The following PHIP variants were observed in gnomAD, a reference collection of about 807,000 sequenced individuals.
PHIP encodes the protein PHIP subunit of CUL4-Ring ligase complex, also known as PH-interacting protein.
Under a neutral mutation model 236.8 loss-of-function variants are expected in PHIP, and 54 were observed. That is an observed-to-expected ratio of 0.23 (90% CI 0.18 to 0.29). PHIP has a LOEUF of 0.29. Among genes scored for constraint, PHIP ranks in the 10% least tolerant of loss-of-function variants. The pLI is 1.00. For missense variants in PHIP, 1,370 were observed against 2,190.8 expected (o/e 0.63, Z 7.48); for synonymous variants, 756 against 718.9 (o/e 1.05, Z -0.83).
intron 23 of PHIP, among the ~76,000 whole-genome samples, chr6:78,982,277 A>C (rs1768590628): frequency 6.6e-6 from 1 of 152,176 alleles, no homozygotes. Flanking sequence ...TCTTCCTATA[A>C]TATTTCTTAC....
chr6:79,061,656 AAT>A (rs1773386606), intron 4 of PHIP, among the ~76,000 whole-genome samples: 1 of 152,192 alleles, frequency 6.6e-6, no homozygotes. Context: ...ATAGGTCTCC[AAT>A]ATGTTAAATG....
At chr6:78,964,808 T>C (rs552776090) in intron 29 of PHIP, among the ~76,000 whole-genome samples, 1 of 152,324 alleles carries the variant, frequency 6.6e-6, no homozygotes, top group African/African-American at 2.4e-5. Context: ...TATTATTTTT[T>C]AAAAATCAAA....
Position 78,961,710 on chromosome 6 carries a change from T to C in PHIP, c.3636A>G (p.Arg1212=), listed in dbSNP as rs1766794656. Residue 1212 remains arginine, a synonymous_variant, in exon 31 of 40, where the codon AGA becomes AGG. Transcript: ENST00000275034. ...YPTDLSTIKQ[R]LENRFYRRVS... is the part of the protein sequence containing the mutation. ...CTAACCTGTAAAACCTGTTTTCCAG[T>C]CTTTGTTTAATTGTACTTAGATCCG... is the stretch of plus-strand genomic sequence containing the variant. 2 of 1,612,536 alleles carry C rather than the reference T, an allele frequency of 1.2e-6. No individual in the cohort carries two copies. Among genetic ancestry groups the C allele is most frequent in the Admixed American group, 3.3e-5 (2 of 59,946 alleles).
Position 78,936,634 on chromosome 6 carries a change from C to T in PHIP, c.*4059G>A, listed in dbSNP as rs1773280252. 1 of 151,842 alleles carries T rather than the reference C, an allele frequency of 6.6e-6. No individual in the cohort carries two copies. Among genetic ancestry groups the T allele is most frequent in the Non-Finnish European group, 1.5e-5 (1 of 67,776 alleles). The allele number at this position is 151,842 out of a possible 1,614,324, so 9.4% of individuals were successfully genotyped here. A position where few individuals can be genotyped will look rare whatever the true frequency, so the allele number is the denominator to read the frequency against. Reference sequence around the variant, plus strand: ...TATCTGCATTAAAAAAGTATTTCAACACAGAGCTATCAAAACTAAAAATAA... The same window carrying T: ...TATCTGCATTAAAAAAGTATTTCAATACAGAGCTATCAAAACTAAAAATAA... On this transcript the variant is annotated 3_prime_UTR_variant, in exon 40 of 40. Transcript: ENST00000275034.
chr6:78,988,693 A>T (rs985227260), intron 20 of PHIP, among the ~76,000 whole-genome samples: 2 of 152,172 alleles, frequency 1.3e-5, no homozygotes, highest in Non-Finnish European at 2.9e-5. Flanking sequence ...TATCATGGTT[A>T]TGCTGATATT....
intron 4 of PHIP, among the ~76,000 whole-genome samples, chr6:79,075,958 TTTCAAATTAGTAAATC>T (rs1376229850): frequency 6.6e-6 from 1 of 152,210 alleles, no homozygotes; most frequent in Non-Finnish European, 1.5e-5. Flanking sequence ...TAAAAATTAA[TTTCAAATTAGTAAATC>T]TTGGAGTTTA....
At chr6:79,072,466 T>G (rs1053101837) in intron 4 of PHIP, among the ~76,000 whole-genome samples, 1 of 145,658 alleles carries the variant, frequency 6.9e-6, no homozygotes, top group Admixed American at 7.0e-5. Context: ...AAAGTAATTA[T>G]AGTATCTTCC....
chr6:79,015,538 A>T, intron 14 of PHIP, 92 bp downstream of exon 14: 1 of 961,962 alleles, frequency 1.0e-6, no homozygotes, highest in Non-Finnish European at 1.6e-6. Context: ...AAGAGTTTTT[A>T]GCTAACATAA....
chr6:78,944,447 G>C lies in PHIP; in HGVS notation c.4828+853C>G, dbSNP rs114938252. Among the ~76,000 whole-genome samples the C allele has an allele frequency of 4.3e-3, 658 of 152,272 alleles. 2 individuals are homozygous for C. The highest frequency in any genetic ancestry group is 0.014 in the African/African-American group (597 of 41,554). On this transcript the variant is annotated intron_variant, in intron 39 of 39. Transcript: ENST00000275034. Reference sequence around the variant, plus strand: ...GCAGGAAGACCAGTTAGGAAACTAGGAAAATAGTCCAAGCAAGAAATTATG... The same window carrying C: ...GCAGGAAGACCAGTTAGGAAACTAGCAAAATAGTCCAAGCAAGAAATTATG...
chr6:79,053,972 CT>C (rs1440296517), intron 6 of PHIP, among the ~76,000 whole-genome samples: 7 of 152,152 alleles, frequency 4.6e-5, no homozygotes, highest in African/African-American at 1.7e-4. Context: ...TTAAACTCAC[CT>C]AAGGGAGTTT....
At chr6:79,002,578 C>T (rs78298960) in intron 16 of PHIP, among the ~76,000 whole-genome samples, 1 of 152,214 alleles carries the variant, frequency 6.6e-6, no homozygotes, top group African/African-American at 2.4e-5. Context: ...ATGCTACCCA[C>T]CCATTACTGT....
Position 79,005,516 on chromosome 6 carries a change from T to C in PHIP, c.1525-1658A>G, listed in dbSNP as rs375513367. 1.1e-4 allele frequency among the ~76,000 whole-genome samples: 16 copies of C among 152,094 alleles called. No homozygotes were observed. The East Asian group carries it at 1.2e-3, about 11-fold the overall frequency. Reference sequence around the variant, plus strand: ...GTACACCTCTAAATAGACTTTTATATCAAAAACTAAAAATTAGGGGATTGA... The same window carrying C: ...GTACACCTCTAAATAGACTTTTATACCAAAAACTAAAAATTAGGGGATTGA... On this transcript the variant is annotated intron_variant, in intron 15 of 39. Transcript: ENST00000275034.
chr6:79,027,227 G>T (rs1771451041), intron 7 of PHIP, among the ~76,000 whole-genome samples: 1 of 152,088 alleles, frequency 6.6e-6, no homozygotes, highest in Non-Finnish European at 1.5e-5. Flanking sequence ...TCCAAACAGA[G>T]TATGTTAAAT....
intron 24 of PHIP, among the ~76,000 whole-genome samples, chr6:78,977,143 T>A (rs1435552668): frequency 2.7e-5 from 4 of 145,808 alleles, no homozygotes; most frequent in Non-Finnish European, 6.0e-5. Flanking sequence ...CCAACAATGA[T>A]AGACTGGATT....
At chr6:78,968,405 G>C (rs76858017) in intron 27 of PHIP, among the ~76,000 whole-genome samples, 5,593 of 152,222 alleles carry the variant, frequency 0.037, 102 homozygotes, top group Middle Eastern at 0.058. Flanking sequence ...GGCAGATTCT[G>C]CATCAGCAAC....
chr6:79,041,579 A>C (rs1429708010), intron 7 of PHIP, among the ~76,000 whole-genome samples: 1 of 152,066 alleles, frequency 6.6e-6, no homozygotes, highest in Non-Finnish European at 1.5e-5. Flanking sequence ...AACATTAGAA[A>C]AATCAAATTT....
intron 7 of PHIP, among the ~76,000 whole-genome samples, chr6:79,030,918 A>G (rs1348422598): frequency 6.6e-6 from 1 of 151,310 alleles, no homozygotes; most frequent in Non-Finnish European, 1.5e-5. Flanking sequence ...CACTTGTTTC[A>G]TTTTTCTTTC....
rs1319677442 is a variant in PHIP at position 78,985,397 on chromosome 6, G to A, written c.2492C>T (p.Thr831Ile). 2 of 1,599,666 alleles carry A rather than the reference G, an allele frequency of 1.3e-6. No homozygotes were observed. The highest frequency in any genetic ancestry group is 2.7e-5 in the African/African-American group (2 of 74,572). Residue 831 changes from threonine to isoleucine, a missense_variant, in exon 22 of 40, where the codon ACA (threonine) becomes ATA (isoleucine). By Grantham distance (89) the Thr-to-Ile change is moderately conservative (BLOSUM62 -1). This residue lies in a region of PHIP where 99 missense variants were observed against 110.0 expected (regional missense o/e 0.90). Transcript: ENST00000275034. Reference protein sequence around the residue: ...EGEVVAVSGGTSEEEERAWHS... With the variant: ...EGEVVAVSGGISEEEERAWHS... ...CCATGCTCTCTCTTCTTCTTCGGAT[G>A]TTCCACCACTGACAGCAACTACTTC...
chr6:79,011,652 T>C (rs1770583285), intron 15 of PHIP, among the ~76,000 whole-genome samples: 1 of 151,866 alleles, frequency 6.6e-6, no homozygotes, highest in South Asian at 2.1e-4. Context: ...AGATCCTCTA[T>C]TAGGAGGAAA....
Sources: gnomAD v4.1 joint callset for allele counts (sites outside exome capture counted in the v4.1 genomes callset) on GRCh38, gnomAD v4.1.1 for gene constraint, gnomAD v4.1.1 regional missense constraint, MANE v1.5 for transcripts, NCBI Gene and HGNC (gene_info 2026-07-23, HGNC 2026-07-21) for gene names.